Variants in ADAM12 observed in about 807,000 individuals in gnomAD.
The protein encoded by ADAM12 is disintegrin and metalloproteinase domain-containing protein 12.
A neutral mutation model predicts 106.4 loss-of-function variants in ADAM12; 70 were observed. That is an observed-to-expected ratio of 0.66 (90% confidence interval 0.54 to 0.80). The LOEUF is 0.80. Among genes scored for constraint, ADAM12 ranks in the 30% least tolerant of loss-of-function variants. The pLI is 0.00. For synonymous variants in ADAM12, 420 were observed against 433.5 expected, an observed-to-expected ratio of 0.97 and a Z score of 0.39; for missense variants, 1,010 against 1,171.9, an observed-to-expected ratio of 0.86 and a Z score of 2.02.
chr10:126,347,860 C>T (rs889716625), intron 1 of ADAM12, among the ~76,000 whole-genome samples: 4 of 152,154 alleles, frequency 2.6e-5, no homozygotes, highest in Non-Finnish European at 5.9e-5. Flanking sequence ...CTGAATCCTG[C>T]CCTGAGAGTG....
intron 2 of ADAM12, among the ~76,000 whole-genome samples, chr10:126,287,593 G>A (rs766404958): frequency 1.2e-4 from 18 of 151,896 alleles, no homozygotes; most frequent in Admixed American, 2.0e-4. Context: ...AGGCTCTGGC[G>A]TCTGCTCACC....
rs544051872 is a variant in ADAM12 at position 126,313,608 on chromosome 10, C to G, written c.186+16804G>C. Among the ~76,000 whole-genome samples, 5 of 152,052 alleles carry G rather than the reference C, an allele frequency of 3.3e-5. No homozygotes were observed. In the East Asian group the frequency reaches 7.8e-4, roughly 24 times the overall value. Reference sequence around the variant, plus strand: ...CTTCAAGGTGTGAGCCCCATCCATCCATCTGTCCATCTGTCCATCCAGCCA... The same window carrying G: ...CTTCAAGGTGTGAGCCCCATCCATCGATCTGTCCATCTGTCCATCCAGCCA... On this transcript the variant is annotated intron_variant, in intron 2 of 22. Transcript: ENST00000448723.
intron 1 of ADAM12, among the ~76,000 whole-genome samples, chr10:126,358,889 T>C (rs1317604532): frequency 2.0e-5 from 3 of 152,160 alleles, no homozygotes; most frequent in Non-Finnish European, 4.4e-5. Flanking sequence ...AAGAATCCTG[T>C]ATTAGTCCAT....
At chr10:126,225,208 C>T (rs1423879649) in intron 3 of ADAM12, among the ~76,000 whole-genome samples, 1 of 152,208 alleles carries the variant, frequency 6.6e-6, no homozygotes, top group Non-Finnish European at 1.5e-5. Flanking sequence ...AAAGGGTGGC[C>T]AGGAGCTGGC....
At position 126,036,341 on chromosome 10, in the gene ADAM12, A is replaced by G. The variant is rs747835999; in HGVS notation, c.2350-16T>C. The G allele has an allele frequency of 1.3e-6, 2 of 1,564,088 alleles. No individual in the cohort carries two copies. The highest frequency in any genetic ancestry group is 4.9e-5 in the East Asian group (2 of 40,860). On this transcript the variant is annotated splice_polypyrimidine_tract_variant and intron_variant, in intron 20 of 22. Coordinates refer to ENST00000448723, the MANE Select transcript of ADAM12 (RefSeq NM_001288973.2). ...TGGGATTGTCCTGTACAGTCAAAGT[A>G]AAAAGCCATGCTATAGCGGGTTTCA...
At chr10:126,020,892 C>CT (rs1276955620) in intron 21 of ADAM12, among the ~76,000 whole-genome samples, 1 of 147,284 alleles carries the variant, frequency 6.8e-6, no homozygotes, top group Non-Finnish European at 1.5e-5. Flanking sequence ...ACGCAGGAGG[C>CT]TGAGGCAGGA....
chr10:126,206,742 C>A (rs1290589118), intron 3 of ADAM12, among the ~76,000 whole-genome samples: 1 of 151,346 alleles, frequency 6.6e-6, no homozygotes. Flanking sequence ...CTTCTTTCTC[C>A]TGAAGGCTTT....
intron 17 of ADAM12, among the ~76,000 whole-genome samples, chr10:126,045,787 T>C (rs1260168131): frequency 6.6e-6 from 1 of 152,258 alleles, no homozygotes; most frequent in Non-Finnish European, 1.5e-5. Context: ...GGAAGGTTGC[T>C]TTTCAAATTA....
At position 126,309,227 on chromosome 10, in the gene ADAM12, G is replaced by A. The variant is rs142180393; in HGVS notation, c.186+21185C>T. Among the ~76,000 whole-genome samples the A allele has an allele frequency of 9.2e-5, 14 of 152,252 alleles. No homozygotes were observed. In the East Asian group the frequency reaches 1.4e-3, roughly 15 times the overall value. On this transcript the variant is annotated intron_variant, in intron 2 of 22. Transcript: ENST00000448723. ...CTATTTGAGGACTTCTATTTACATC[G>A]TTGAGGAAGACAATGTTTGCAGCTG...
Position 126,012,734 on chromosome 10 carries a change from TG to T in ADAM12, c.*4544del, listed in dbSNP as rs1453001596. Reference sequence around the variant, plus strand: ...TGACCTGATGGGAGGGACAGGAGAATGAGTCACTCTGCCACCACTTTTCCTG... The same window carrying T: ...TGACCTGATGGGAGGGACAGGAGAATAGTCACTCTGCCACCACTTTTCCTG... On this transcript the variant is annotated 3_prime_UTR_variant, in exon 23 of 23. Transcript: ENST00000448723. 1 of 152,246 alleles carries T rather than the reference TG, an allele frequency of 6.6e-6. No individual in the cohort carries two copies. The highest frequency in any genetic ancestry group is 1.9e-4 in the East Asian group (1 of 5,200). The allele number at this position is 152,246 out of a possible 1,614,324, so 9.4% of individuals were successfully genotyped here. A position where few individuals can be genotyped will look rare whatever the true frequency, so the allele number is the denominator to read the frequency against.
At chr10:126,330,384 C>T in intron 2 of ADAM12, 28 bp downstream of exon 2, 1 of 1,588,884 alleles carries the variant, frequency 6.3e-7, no homozygotes, top group Middle Eastern at 1.7e-4. Context: ...TCGGCAGTCT[C>T]AAAGCTGAGA....
At chr10:126,142,199 A>T (rs1956525702) in intron 4 of ADAM12, among the ~76,000 whole-genome samples, 1 of 152,170 alleles carries the variant, frequency 6.6e-6, no homozygotes. Context: ...CAGCGGCACT[A>T]GAGGAATTAA....
At chr10:126,111,055 A>G (rs1346730357) in intron 6 of ADAM12, among the ~76,000 whole-genome samples, 1 of 152,220 alleles carries the variant, frequency 6.6e-6, no homozygotes, top group Non-Finnish European at 1.5e-5. Context: ...ATCTTTTATA[A>G]AACAAATCCC....
chr10:126,197,963 GGGAA>G lies in ADAM12; in HGVS notation c.261-42662_261-42659del, dbSNP rs142163104. On this transcript the variant is annotated intron_variant, in intron 3 of 22. Transcript: ENST00000448723. ...CTCCGTGAACTGCAGGAATGGGAGA[GGGAA>G]GGGACTGGGGCTTCAATGTGAAATT... is the stretch of plus-strand genomic sequence containing the variant. Among the ~76,000 whole-genome samples the G allele has an allele frequency of 9.8e-3, 1,487 of 152,340 alleles. 38 individuals are homozygous for G. Among genetic ancestry groups the G allele is most frequent in the African/African-American group, 0.034 (1,393 of 41,564 alleles).
At chr10:126,131,551 G>A (rs544748712) in intron 5 of ADAM12, among the ~76,000 whole-genome samples, 50 of 152,168 alleles carry the variant, frequency 3.3e-4, no homozygotes, top group Non-Finnish European at 5.7e-4. Context: ...ATGAGATCAT[G>A]AGGGAAGCCC....
At chr10:126,067,070 G>A (rs948393807) in intron 12 of ADAM12, 1 of 447,890 alleles carries the variant, frequency 2.2e-6, no homozygotes, top group Admixed American at 3.4e-5. Context: ...TAGGCTGGCC[G>A]GCTGGGGACA....
intron 11 of ADAM12, among the ~76,000 whole-genome samples, chr10:126,081,061 G>T (rs1955203641): frequency 6.6e-6 from 1 of 150,972 alleles, no homozygotes; most frequent in Admixed American, 6.6e-5. Flanking sequence ...TGGAAATTAG[G>T]CGTCTGGAGA....
chr10:126,265,899 G>A (rs1959087358), intron 3 of ADAM12, among the ~76,000 whole-genome samples: 1 of 152,200 alleles, frequency 6.6e-6, no homozygotes, highest in Non-Finnish European at 1.5e-5. Flanking sequence ...AAAAAATGGA[G>A]AGATATAAAA....
At chr10:126,229,322 T>C (rs1958262316) in intron 3 of ADAM12, among the ~76,000 whole-genome samples, 1 of 152,214 alleles carries the variant, frequency 6.6e-6, no homozygotes, top group Non-Finnish European at 1.5e-5. Flanking sequence ...CAATCCTGTT[T>C]GACTCCTGTG....
Sources: allele counts gnomAD v4.1 joint callset (sites outside exome capture counted in the v4.1 genomes callset), GRCh38; gene constraint gnomAD v4.1.1; transcripts MANE v1.5; gene names NCBI Gene and HGNC (gene_info 2026-07-23, HGNC 2026-07-21).